OSBPL9: variants seen among roughly 807,000 people sequenced by gnomAD.
The protein encoded by OSBPL9 is oxysterol binding protein like 9.
In OSBPL9, 40 loss-of-function variants were observed where a neutral mutation model predicts 106.6. The observed-to-expected ratio is 0.38, with a 90% CI of 0.29 to 0.49. OSBPL9 has a LOEUF of 0.49. Among genes scored for constraint, OSBPL9 ranks in the 20% least tolerant of loss-of-function variants. OSBPL9 has a pLI of 0.97. For missense variants in OSBPL9, 609 were observed against 887.2 expected (o/e 0.69, Z 3.98); for synonymous variants, 269 against 295.4 (o/e 0.91, Z 0.92).
upstream of OSBPL9, among the ~76,000 whole-genome samples, chr1:51,576,671 G>A (rs377173595): frequency 3.3e-5 from 5 of 152,032 alleles, no homozygotes; most frequent in African/African-American, 1.2e-4. Flanking sequence ...GGGACCACAA[G>A]CATGCCACTA....
At chr1:51,644,078 TAAAAAAAAA>T (rs968921768) in intron 1 of OSBPL9, among the ~76,000 whole-genome samples, 4 of 43,222 alleles carry the variant, frequency 9.3e-5, no homozygotes, top group African/African-American at 3.0e-4. Context: ...AGACCTTGTC[TAAAAAAAAA>T]AAAAAAAAAA....
intron 3 of OSBPL9, among the ~76,000 whole-genome samples, chr1:51,690,382 A>C (rs993736125): frequency 6.6e-6 from 1 of 152,234 alleles, no homozygotes; most frequent in East Asian, 1.9e-4. Flanking sequence ...CCAGAGACTC[A>C]CAGCATTGCC....
intron 4 of OSBPL9, among the ~76,000 whole-genome samples, chr1:51,720,754 T>C (rs1571315323): frequency 1.3e-5 from 2 of 152,242 alleles, no homozygotes; most frequent in Non-Finnish European, 2.9e-5. Flanking sequence ...TTGTGGCTAC[T>C]TCATGTAGAT....
At chr1:51,746,593 T>C in intron 5 of OSBPL9, 117 bp from the exon 6 acceptor site, 1 of 724,320 alleles carries the variant, frequency 1.4e-6, no homozygotes, top group South Asian at 2.2e-5. Context: ...AAATAACATA[T>C]AAATCATCCC....
chr1:51,761,677 T>C (rs1671537108), intron 10 of OSBPL9, among the ~76,000 whole-genome samples, 190 bp from the exon 11 acceptor site: 1 of 152,208 alleles, frequency 6.6e-6, no homozygotes, highest in African/African-American at 2.4e-5. Context: ...ATCTTAGTAC[T>C]CTGTAGCCTA....
At chr1:51,771,955 G>T in intron 12 of OSBPL9, 115 bp from the exon 13 acceptor site, 1 of 693,230 alleles carries the variant, frequency 1.4e-6, no homozygotes, top group Admixed American at 3.1e-5. Flanking sequence ...TTGTCATCAA[G>T]AGAATTCTAA....
At chr1:51,745,366 T>C in intron 4 of OSBPL9, 170 bp from the exon 5 acceptor site, 2 of 891,060 alleles carry the variant, frequency 2.2e-6, no homozygotes, top group East Asian at 6.4e-5. Flanking sequence ...GGAAGATTGA[T>C]GTACCACTGT....
chr1:51,786,020 C>T, intron 21 of OSBPL9, 134 bp downstream of exon 21: 1 of 755,102 alleles, frequency 1.3e-6, no homozygotes, highest in Non-Finnish European at 2.2e-6. Flanking sequence ...AACTTTAGGA[C>T]AGCTCCAGTG....
intron 1 of OSBPL9, among the ~76,000 whole-genome samples, chr1:51,582,628 C>T (rs1439306452): frequency 1.3e-5 from 2 of 152,094 alleles, no homozygotes; most frequent in African/African-American, 4.8e-5. Flanking sequence ...CCACACCTGG[C>T]CAACAGTCTT....
intron 11 of OSBPL9, among the ~76,000 whole-genome samples, chr1:51,763,462 T>C (rs1358802008): frequency 3.9e-5 from 6 of 152,192 alleles, no homozygotes; most frequent in Non-Finnish European, 8.8e-5. Context: ...ATCTAGCACT[T>C]TTCACACTGT....
intron 3 of OSBPL9, among the ~76,000 whole-genome samples, chr1:51,680,825 A>G (rs1364693456): frequency 6.6e-6 from 1 of 152,188 alleles, no homozygotes; most frequent in Non-Finnish European, 1.5e-5. Context: ...TAGATTCATA[A>G]AAGAATTTGT....
chr1:51,591,810 A>G (rs78805811), intron 1 of OSBPL9, among the ~76,000 whole-genome samples: 1 of 151,958 alleles, frequency 6.6e-6, no homozygotes, highest in Admixed American at 6.6e-5. Flanking sequence ...AGAGAGAGAG[A>G]AAAAAAAGAG....
Position 51,788,965 on chromosome 1 carries a change from A to AGTCT in OSBPL9, c.*1178_*1181dup, listed in dbSNP as rs1302525973. 1.3e-5 allele frequency among the ~76,000 whole-genome samples: 2 copies of AGTCT among 152,322 alleles called. No individual in the cohort carries two copies. Among genetic ancestry groups the AGTCT allele is most frequent in the East Asian group, 3.8e-4 (2 of 5,196 alleles). ...AAGGCCTTTCAAGAAGTAGATTCTC[A>AGTCT]GTCTGAGAGGACACAGGCCAGGGCT... On this transcript the variant is annotated 3_prime_UTR_variant, in exon 24 of 24. Coordinates refer to ENST00000428468, the MANE Select transcript of OSBPL9 (RefSeq NM_024586.6).
intron 2 of OSBPL9, among the ~76,000 whole-genome samples, chr1:51,599,909 G>A (rs1016468875): frequency 3.3e-5 from 5 of 152,210 alleles, no homozygotes; most frequent in African/African-American, 1.2e-4. Flanking sequence ...TGCTTCCAAG[G>A]TGGTGCCTCT....
chr1:51,756,389 T>G, intron 9 of OSBPL9, 31 bp downstream of exon 9: 1 of 1,600,760 alleles, frequency 6.2e-7, no homozygotes, highest in Non-Finnish European at 8.6e-7. Flanking sequence ...TTGTTTCCCT[T>G]TACTTCTGCA....
intron 1 of OSBPL9, among the ~76,000 whole-genome samples, chr1:51,647,332 T>C (rs1477616432): frequency 1.3e-5 from 2 of 152,182 alleles, no homozygotes; most frequent in African/African-American, 4.8e-5. Flanking sequence ...TCGCTAGTAT[T>C]TTGTTGAGAA....
intron 4 of OSBPL9, among the ~76,000 whole-genome samples, chr1:51,731,571 G>A (rs1664425504): frequency 6.6e-6 from 1 of 152,142 alleles, no homozygotes; most frequent in Admixed American, 6.5e-5. Flanking sequence ...GAGGTCAGGG[G>A]TTCGAGACCA....
chr1:51,537,318 T>A, the OSBPL9 span, among the ~76,000 whole-genome samples: 2 of 152,314 alleles, frequency 1.3e-5, no homozygotes, highest in Admixed American at 6.5e-5. Context: ...CACTTTTTTT[T>A]AACACCTCCT....
chr1:51,597,433 G>A lies in OSBPL9; in HGVS notation c.-422-691G>A, dbSNP rs995885012. 1.7e-3 allele frequency among the ~76,000 whole-genome samples: 255 copies of A among 147,764 alleles called. 1 individual carries two copies. Among genetic ancestry groups the A allele is most frequent in the Admixed American group, 4.6e-3 (68 of 14,822 alleles). On this transcript the variant is annotated intron_variant, in intron 1 of 25. Coordinates refer to the OSBPL9 transcript ENST00000371714. Reference sequence around the variant, plus strand: ...TGTATATATATATATATGTGTGTGTGTGTGTGTGTGTGTGTGTGTGTGTGT... The same window carrying A: ...TGTATATATATATATATGTGTGTGTATGTGTGTGTGTGTGTGTGTGTGTGT...
Sources: gnomAD v4.1 joint callset for allele counts (sites outside exome capture counted in the v4.1 genomes callset) on GRCh38, gnomAD v4.1.1 for gene constraint, MANE v1.5 for transcripts, NCBI Gene and HGNC (gene_info 2026-07-23, HGNC 2026-07-21) for gene names.